The following NLRP1 variants were observed in gnomAD, a reference collection of about 807,000 sequenced individuals.
NLRP1 encodes the protein NLR family pyrin domain containing 1, also known as NACHT, LRR and PYD domains-containing protein 1.
Under a neutral mutation model 136.7 loss-of-function variants are expected in NLRP1, and 94 were observed. The ratio of observed to expected loss-of-function variants is 0.69; its 90% CI spans 0.58 to 0.82. NLRP1 has a LOEUF of 0.82. Among genes scored for constraint, NLRP1 ranks in the 40% least tolerant of loss-of-function variants. The probability of loss-of-function intolerance (pLI) is 0.00; values close to 1 mark genes in which losing one functional copy is unlikely to be tolerated. For synonymous variants in NLRP1, 690 were observed against 725.1 expected (o/e 0.95, Z 0.78); for missense variants, 1,575 against 1,802.7 (o/e 0.87, Z 2.29).
intron 12 of NLRP1, among the ~76,000 whole-genome samples, chr17:5,525,113 T>G (rs1218089374): frequency 6.6e-6 from 1 of 152,192 alleles, no homozygotes; most frequent in East Asian, 1.9e-4. Flanking sequence ...CTACGCTGCC[T>G]TTGGCTGGTT....
intron 5 of NLRP1, among the ~76,000 whole-genome samples, chr17:5,542,687 T>G (rs1912017433): frequency 6.6e-6 from 1 of 152,050 alleles, no homozygotes; most frequent in East Asian, 1.9e-4. Flanking sequence ...GAATGTAAGC[T>G]CCTTGAGGAA....
intron 5 of NLRP1, among the ~76,000 whole-genome samples, chr17:5,545,184 T>G (rs1299368400): frequency 6.6e-6 from 1 of 152,180 alleles, no homozygotes; most frequent in East Asian, 1.9e-4. Flanking sequence ...GACTCCTGCC[T>G]GTAATCCCCA....
In NLRP1 at chr17:5,514,434, T is replaced by C; in HGVS notation, c.*320A>G. 8.4e-7 allele frequency: 1 copy of C among 1,195,088 alleles called. No individual in the cohort carries two copies. Among genetic ancestry groups the C allele is most frequent in the Non-Finnish European group, 1.0e-6 (1 of 953,154 alleles). The allele number at this position is 1,195,088 out of a possible 1,614,324, so 74.0% of individuals were successfully genotyped here. A position where few individuals can be genotyped will look rare whatever the true frequency, so the allele number is the denominator to read the frequency against. ...GCAAATGGTTCCATGTCCCTCCTAT[T>C]CCTCTTTGCGCCTGGATGGGATCCG... On this transcript the variant is annotated 3_prime_UTR_variant, in exon 17 of 17. Transcript: ENST00000572272.
At chr17:5,557,304 C>G (rs902747372) in intron 4 of NLRP1, among the ~76,000 whole-genome samples, 1 of 149,842 alleles carries the variant, frequency 6.7e-6, no homozygotes, top group Non-Finnish European at 1.5e-5. Context: ...TTCACCCAGC[C>G]TACATATCTT....
chr17:5,540,960 G>A (rs951725795), intron 6 of NLRP1, among the ~76,000 whole-genome samples: 10 of 152,228 alleles, frequency 6.6e-5, no homozygotes, highest in African/African-American at 1.7e-4. Flanking sequence ...CCCCCTGAGC[G>A]GGTGCACAGA....
chr17:5,535,134 G>C (rs972948955), intron 8 of NLRP1, among the ~76,000 whole-genome samples: 3 of 152,066 alleles, frequency 2.0e-5, no homozygotes, highest in African/African-American at 7.2e-5. Context: ...GCATAAGAAT[G>C]GTTTGAACCT....
intron 3 of NLRP1, among the ~76,000 whole-genome samples, chr17:5,575,325 A>C (rs1281437624): frequency 6.6e-6 from 1 of 152,204 alleles, no homozygotes; most frequent in African/African-American, 2.4e-5. Flanking sequence ...AGACACAGAC[A>C]GGGAAATGGG....
At chr17:5,570,808 A>G (rs1915789870) in intron 3 of NLRP1, among the ~76,000 whole-genome samples, 1 of 152,144 alleles carries the variant, frequency 6.6e-6, no homozygotes, top group Non-Finnish European at 1.5e-5. Flanking sequence ...GACACAACAA[A>G]AGAAGAAAAC....
intron 15 of NLRP1, among the ~76,000 whole-genome samples, chr17:5,508,479 T>A (rs1056691244): frequency 8.1e-5 from 11 of 136,046 alleles, no homozygotes; most frequent in Admixed American, 7.1e-4. Context: ...ATATAGAAAG[T>A]CATGAGACTA....
intron 3 of NLRP1, among the ~76,000 whole-genome samples, chr17:5,579,564 A>G (rs774046952): frequency 6.6e-6 from 1 of 152,220 alleles, no homozygotes; most frequent in Non-Finnish European, 1.5e-5. Context: ...CTATCATTCA[A>G]TCTAGCAATC....
At position 5,559,490 on chromosome 17, in the gene NLRP1, T is replaced by A. The variant is rs200250406; in HGVS notation, c.1206A>T (p.Pro402=). The change falls in exon 4 of 17, where the codon CCA becomes CCT. Residue 402 remains proline (P), a synonymous_variant. Transcript: ENST00000572272. Reference sequence around the variant, plus strand: ...CATCGAGGATGAAGAGCAGCCGCTCTGGCCTAGACAGGATCTGTCTAATGG... The same window carrying A: ...CATCGAGGATGAAGAGCAGCCGCTCAGGCCTAGACAGGATCTGTCTAATGG... ...PAPIRQILSR[P]ERLLFILDGV... The A allele has an allele frequency of 2.1e-4, 346 of 1,614,112 alleles. No individual in the cohort carries two copies. Among genetic ancestry groups the A allele is most frequent in the Non-Finnish European group, 2.8e-4 (332 of 1,180,032 alleles).
At chr17:5,543,959 G>A (rs1912212051) in intron 5 of NLRP1, among the ~76,000 whole-genome samples, 1 of 152,194 alleles carries the variant, frequency 6.6e-6, no homozygotes, top group South Asian at 2.1e-4. Context: ...TGGCAGGGGT[G>A]TGAGAAGGAC....
At chr17:5,525,543 C>G (rs1909423970) in intron 12 of NLRP1, among the ~76,000 whole-genome samples, 1 of 152,184 alleles carries the variant, frequency 6.6e-6, no homozygotes, top group Admixed American at 6.5e-5. Context: ...TCAGCACCTT[C>G]CAGGCTCAGG....
downstream of NLRP1, among the ~76,000 whole-genome samples, chr17:5,513,256 T>G (rs1907754850): frequency 6.6e-6 from 1 of 152,188 alleles, no homozygotes; most frequent in Non-Finnish European, 1.5e-5. Context: ...GATCTCTTAT[T>G]TTTTTCTTTC....
rs1458584477 is a variant in NLRP1 at position 5,530,481 on chromosome 17, C to T, written c.3520G>A (p.Gly1174Arg). The T allele has an allele frequency of 6.2e-7, 1 of 1,613,424 alleles. No homozygotes were observed. Among genetic ancestry groups the T allele is most frequent in the Admixed American group, 1.7e-5 (1 of 60,008 alleles). The change falls in exon 12 of 17, where the codon GGG becomes AGG. Residue 1174 changes from glycine (G) to arginine (R), a missense_variant and splice_region_variant. Coordinates refer to ENST00000572272, the MANE Select transcript of NLRP1 (RefSeq NM_033004.4). ...CTCCCTATCCTTCCCTGTTGTTTAC[C>T]TTGGAGAGCCACAAAGTGAGGGAGG... is the stretch of plus-strand genomic sequence containing the variant. ...VHLPHFVALQ[G>R]GHVDTSLFQM...
At chr17:5,521,091 T>C in intron 13 of NLRP1, 79 bp from the exon 14 acceptor site, 10 of 1,390,360 alleles carry the variant, frequency 7.2e-6, no homozygotes, top group Non-Finnish European at 8.8e-6. Flanking sequence ...ATGGTGCATC[T>C]GTGTGTTTGT....
At chr17:5,543,350 T>G (rs552586284) in intron 5 of NLRP1, among the ~76,000 whole-genome samples, 117 of 152,278 alleles carry the variant, frequency 7.7e-4, no homozygotes, top group Non-Finnish European at 1.3e-3. Context: ...GGGGCACGCG[T>G]GGCTGGTAGG....
chr17:5,545,465 G>GAC (rs577109194), intron 5 of NLRP1, among the ~76,000 whole-genome samples: 2 of 125,424 alleles, frequency 1.6e-5, no homozygotes, highest in Non-Finnish European at 3.4e-5. Flanking sequence ...CACACATACA[G>GAC]ACACACACAC....
At chr17:5,564,545 G>A (rs577442435) in intron 3 of NLRP1, among the ~76,000 whole-genome samples, 2 of 152,200 alleles carry the variant, frequency 1.3e-5, no homozygotes, top group Admixed American at 1.3e-4. Context: ...TCTCTTTGAT[G>A]GCTGAATAGT....
Sources: gnomAD v4.1 joint callset for allele counts (sites outside exome capture counted in the v4.1 genomes callset) on GRCh38, gnomAD v4.1.1 for gene constraint, MANE v1.5 for transcripts, NCBI Gene and HGNC (gene_info 2026-07-23, HGNC 2026-07-21) for gene names.